The following PRKAR2B variants were observed in gnomAD, a reference collection of about 807,000 sequenced individuals.
PRKAR2B encodes cAMP-dependent protein kinase type II-beta regulatory subunit.
PRKAR2B carries 14 observed loss-of-function variants against 49.9 expected under a neutral mutation model. The ratio of observed to expected loss-of-function variants is 0.28; its 90% confidence interval spans 0.19 to 0.44. PRKAR2B has a LOEUF of 0.44. PRKAR2B is among the 20% of genes least tolerant of loss of function. The pLI, the probability that PRKAR2B is intolerant of heterozygous loss-of-function variation, is 1.00. For synonymous variants in PRKAR2B, 196 were observed against 197.7 expected, an observed-to-expected ratio of 0.99 and a Z score of 0.07; for missense variants, 393 against 537.9, an observed-to-expected ratio of 0.73 and a Z score of 2.67.
intron 3 of PRKAR2B, among the ~76,000 whole-genome samples, chr7:107,126,462 G>A (rs1399843499): frequency 6.8e-6 from 1 of 147,770 alleles, no homozygotes; most frequent in African/African-American, 2.5e-5. Flanking sequence ...TGGTACGAGA[G>A]GTAGCAGGAA....
chr7:107,081,610 G>A (rs886190560), intron 2 of PRKAR2B, among the ~76,000 whole-genome samples: 2 of 152,040 alleles, frequency 1.3e-5, no homozygotes, highest in Non-Finnish European at 2.9e-5. Context: ...GTAAGAATCA[G>A]GGTCTTCCCC....
At chr7:107,056,611 G>T (rs894566014) in intron 1 of PRKAR2B, among the ~76,000 whole-genome samples, 37 of 152,054 alleles carry the variant, frequency 2.4e-4, no homozygotes, top group African/African-American at 8.7e-4. Flanking sequence ...ATTTGGCTCT[G>T]TGTTTGTCTG....
intron 2 of PRKAR2B, among the ~76,000 whole-genome samples, chr7:107,114,528 A>ATTTTTTTTTTTTTTTTTTTTTTTTTTTT (rs761914948): frequency 7.6e-6 from 1 of 131,564 alleles, no homozygotes; most frequent in Non-Finnish European, 1.6e-5. Context: ...TGCCCGGTTA[A>ATTTTTTTTTTTTTTTTTTTTTTTTTTTT]TTTTTTTTTT....
chr7:107,144,365 C>T (rs910903615), intron 5 of PRKAR2B, among the ~76,000 whole-genome samples: 25 of 152,050 alleles, frequency 1.6e-4, no homozygotes, highest in South Asian at 2.1e-4. Context: ...GGATTACAGG[C>T]GTGAACCACT....
chr7:107,051,839 A>G (rs186043856), intron 1 of PRKAR2B, among the ~76,000 whole-genome samples: 34 of 152,376 alleles, frequency 2.2e-4, no homozygotes, highest in African/African-American at 6.3e-4. Context: ...GTTCCACATA[A>G]AAGTGAAGCC....
At chr7:107,103,526 A>G (rs1201731553) in intron 2 of PRKAR2B, among the ~76,000 whole-genome samples, 1 of 152,230 alleles carries the variant, frequency 6.6e-6, no homozygotes, top group East Asian at 1.9e-4. Flanking sequence ...CAGGAAGTCT[A>G]GAAGCTCAGA....
intron 2 of PRKAR2B, among the ~76,000 whole-genome samples, chr7:107,077,047 C>T (rs903707481): frequency 5.9e-5 from 9 of 152,104 alleles, no homozygotes; most frequent in Admixed American, 2.6e-4. Context: ...GGTTATTTGA[C>T]GATAACAGCT....
intron 2 of PRKAR2B, among the ~76,000 whole-genome samples, chr7:107,104,697 G>A (rs1220763930): frequency 1.3e-5 from 2 of 152,204 alleles, no homozygotes; most frequent in African/African-American, 4.8e-5. Flanking sequence ...AGGGAGGACA[G>A]TCCAGGTAAA....
chr7:107,147,713 T>C (rs1795918139), intron 6 of PRKAR2B, among the ~76,000 whole-genome samples: 1 of 152,266 alleles, frequency 6.6e-6, no homozygotes, highest in African/African-American at 2.4e-5. Context: ...GGGAAATGTT[T>C]ACAGTATATG....
intron 2 of PRKAR2B, among the ~76,000 whole-genome samples, chr7:107,103,007 C>G (rs895042784): frequency 6.6e-6 from 1 of 152,080 alleles, no homozygotes; most frequent in African/African-American, 2.4e-5. Context: ...TACTGCATAG[C>G]TCCCTTAAAC....
chr7:107,119,849 T>C (rs1795356037), intron 2 of PRKAR2B, among the ~76,000 whole-genome samples: 1 of 152,210 alleles, frequency 6.6e-6, no homozygotes, highest in Non-Finnish European at 1.5e-5. Context: ...TGAGGTTCTT[T>C]AATGTGAGCC....
intron 8 of PRKAR2B, among the ~76,000 whole-genome samples, chr7:107,155,807 A>G (rs1349815813): frequency 1.3e-5 from 2 of 152,192 alleles, no homozygotes; most frequent in African/African-American, 2.4e-5. Context: ...ACATGCACAC[A>G]TATGTTTATT....
intron 5 of PRKAR2B, among the ~76,000 whole-genome samples, chr7:107,144,137 T>C (rs1473487617): frequency 6.6e-6 from 1 of 151,900 alleles, no homozygotes; most frequent in Non-Finnish European, 1.5e-5. Context: ...CAGGCTGGAG[T>C]GCAGTGGCGC....
Position 107,114,324 on chromosome 7 carries a change from C to CTGTGTGTG in PRKAR2B, c.344-7582_344-7575dup, listed in dbSNP as rs58110858. Among the ~76,000 whole-genome samples, 468 of 130,904 alleles carry CTGTGTGTG rather than the reference C, an allele frequency of 3.6e-3. 4 individuals are homozygous for CTGTGTGTG. Among genetic ancestry groups the CTGTGTGTG allele is most frequent in the African/African-American group, 0.01 (377 of 36,096 alleles). The allele number at this position is 130,904 out of a possible 152,430, so 85.9% of individuals were successfully genotyped here. ...AGATTAAAGAGTTTGGCATGTACAG[C>CTGTGTGTG]TGTGTGTGTGTGTGTGTGTGTGTGT... On this transcript the variant is annotated intron_variant, in intron 2 of 10. Coordinates refer to ENST00000265717, the MANE Select transcript of PRKAR2B (RefSeq NM_002736.3).
chr7:107,084,509 C>T (rs1346421850), intron 2 of PRKAR2B, among the ~76,000 whole-genome samples: 1 of 151,832 alleles, frequency 6.6e-6, no homozygotes, highest in Non-Finnish European at 1.5e-5. Flanking sequence ...GAGTGATTTG[C>T]TTACAGTTTA....
chr7:107,136,306 A>G (rs1263407548), intron 4 of PRKAR2B, among the ~76,000 whole-genome samples: 1 of 152,208 alleles, frequency 6.6e-6, no homozygotes, highest in Non-Finnish European at 1.5e-5. Flanking sequence ...CACATCCATG[A>G]AAGAATTGAT....
intron 2 of PRKAR2B, among the ~76,000 whole-genome samples, chr7:107,074,408 A>C (rs949454694): frequency 6.6e-6 from 1 of 152,096 alleles, no homozygotes; most frequent in African/African-American, 2.4e-5. Context: ...CCGGCCACAT[A>C]ATCCATTTTA....
chr7:107,057,313 A>G (rs1584403244), intron 1 of PRKAR2B, among the ~76,000 whole-genome samples: 2 of 151,650 alleles, frequency 1.3e-5, no homozygotes, highest in South Asian at 2.1e-4. Context: ...CCTAAACTGA[A>G]TGTGTTCTCT....
intron 5 of PRKAR2B, among the ~76,000 whole-genome samples, chr7:107,144,118 C>T (rs1413401563): frequency 6.6e-6 from 1 of 150,698 alleles, no homozygotes; most frequent in Non-Finnish European, 1.5e-5. Context: ...GAGTCTTGCT[C>T]TTGTTGCCCA....
Sources: gnomAD v4.1 joint callset for allele counts (sites outside exome capture counted in the v4.1 genomes callset) on GRCh38, gnomAD v4.1.1 for gene constraint, MANE v1.5 for transcripts, NCBI Gene and HGNC (gene_info 2026-07-23, HGNC 2026-07-21) for gene names.